Variants in SSBP3 observed in about 807,000 individuals in gnomAD.
SSBP3 encodes single-stranded DNA-binding protein 3.
Under a neutral mutation model 69.6 loss-of-function variants are expected in SSBP3, and 5 were observed. That is an observed-to-expected ratio of 0.07 (90% CI 0.04 to 0.15). SSBP3 has a LOEUF of 0.15. SSBP3 is among the 10% of genes least tolerant of loss of function. SSBP3 has a pLI of 1.00. For missense variants in SSBP3, 312 were observed against 534.0 expected (o/e 0.58, Z 4.10); for synonymous variants, 196 against 193.4 (o/e 1.01, Z -0.11).
At chr1:54,339,334 C>T (rs1646565887) in intron 4 of SSBP3, among the ~76,000 whole-genome samples, 1 of 152,160 alleles carries the variant, frequency 6.6e-6, no homozygotes, top group African/African-American at 2.4e-5. Flanking sequence ...TCTTGGCAGA[C>T]ACACATTCTC....
upstream of SSBP3, among the ~76,000 whole-genome samples, chr1:54,410,200 T>G (rs1310761658): frequency 6.6e-6 from 1 of 151,994 alleles, no homozygotes; most frequent in Non-Finnish European, 1.5e-5. Flanking sequence ...GCAAGTGAGG[T>G]GGGAGTGAAG....
At chr1:54,373,158 T>G (rs1278981026) in intron 4 of SSBP3, among the ~76,000 whole-genome samples, 1 of 152,144 alleles carries the variant, frequency 6.6e-6, no homozygotes, top group Non-Finnish European at 1.5e-5. Flanking sequence ...TTCTTCCCTC[T>G]TCCCCTCCAG....
intron 4 of SSBP3, among the ~76,000 whole-genome samples, chr1:54,288,503 T>C (rs1392005377): frequency 1.3e-5 from 2 of 148,992 alleles, no homozygotes; most frequent in African/African-American, 2.5e-5. Context: ...AGCTCATGTC[T>C]GCCACCTGGG....
chr1:54,313,340 T>C (rs1646038195), intron 4 of SSBP3, among the ~76,000 whole-genome samples: 2 of 151,426 alleles, frequency 1.3e-5, no homozygotes, highest in South Asian at 2.1e-4. Context: ...TTCTTTCTGA[T>C]ACAGTCTAGG....
At chr1:54,404,808 T>TTGG (rs760237753) in intron 2 of SSBP3, 50 bp downstream of exon 2, 5 of 632,500 alleles carry the variant, frequency 7.9e-6, no homozygotes, top group Non-Finnish European at 1.3e-5. Context: ...CTAAGAATAG[T>TTGG]GGGGGGGGGG....
At chr1:54,311,575 T>C (rs887701146) in intron 4 of SSBP3, among the ~76,000 whole-genome samples, 5 of 152,056 alleles carry the variant, frequency 3.3e-5, no homozygotes, top group African/African-American at 1.2e-4. Flanking sequence ...TGGGGCCCAT[T>C]GAGAGCATGT....
chr1:54,404,732 T>TA (rs1430834374), intron 2 of SSBP3, 95 bp from the exon 3 acceptor site: 1 of 1,403,108 alleles, frequency 7.1e-7, no homozygotes, highest in Non-Finnish European at 9.9e-7. Flanking sequence ...CAACTAACAA[T>TA]AAATGCCAAA....
chr1:54,245,201 G>A (rs1476721021), intron 9 of SSBP3, among the ~76,000 whole-genome samples: 2 of 152,236 alleles, frequency 1.3e-5, no homozygotes, highest in African/African-American at 4.8e-5. Context: ...TTTACTGAGT[G>A]CATGACACAC....
intron 3 of SSBP3, among the ~76,000 whole-genome samples, chr1:54,402,840 C>CA (rs1649408446): frequency 6.6e-6 from 1 of 152,206 alleles, no homozygotes; most frequent in African/African-American, 2.4e-5. Context: ...ACGGAGTTGT[C>CA]AGTGATATTA....
At chr1:54,382,430 A>C (rs1647723038) in intron 4 of SSBP3, among the ~76,000 whole-genome samples, 1 of 152,192 alleles carries the variant, frequency 6.6e-6, no homozygotes, top group African/African-American at 2.4e-5. Context: ...ATAGTCTATG[A>C]GGTCTGTGAG....
Position 54,305,619 on chromosome 1 carries a change from T to TAA in SSBP3, c.277-24094_277-24093dup, listed in dbSNP as rs762340360. ...ATGCCATCATTTAGTTATTTTTCTT[T>TAA]AAAAAAAAAAAAAAAGAGAGAGAGA... On this transcript the variant is annotated intron_variant, in intron 4 of 17. Coordinates refer to ENST00000610401, the Ensembl canonical transcript of SSBP3. 5.4e-3 allele frequency among the ~76,000 whole-genome samples: 754 copies of TAA among 139,850 alleles called. 7 individuals are homozygous for TAA. Among genetic ancestry groups the TAA allele is most frequent in the African/African-American group, 0.018 (632 of 36,078 alleles). The allele number at this position is 139,850 out of a possible 152,430, so 91.7% of individuals were successfully genotyped here.
intron 9 of SSBP3, among the ~76,000 whole-genome samples, 198 bp downstream of exon 9, chr1:54,251,418 T>C (rs1260998398): frequency 6.6e-6 from 1 of 152,184 alleles, no homozygotes; most frequent in East Asian, 1.9e-4. Context: ...CTGCCTGCCA[T>C]CTGCAAGGGG....
intron 4 of SSBP3, among the ~76,000 whole-genome samples, chr1:54,298,930 A>AACACAC (rs10525954): frequency 0.014 from 1,861 of 137,262 alleles, 31 homozygotes; most frequent in African/African-American, 0.029. Context: ...ACAAAAACAA[A>AACACAC]ACACACACAC....
At chr1:54,354,642 C>A (rs11206337) in intron 4 of SSBP3, among the ~76,000 whole-genome samples, 54,365 of 151,904 alleles carry the variant, frequency 0.36, 11,062 homozygotes, top group African/African-American at 0.56. Context: ...AGTGAGCCAC[C>A]TGAAGTCCCA....
chr1:54,260,538 T>C (rs1368024339), intron 5 of SSBP3, among the ~76,000 whole-genome samples: 1 of 152,242 alleles, frequency 6.6e-6, no homozygotes, highest in Non-Finnish European at 1.5e-5. Context: ...CGGGGTCTGC[T>C]GAGATCCAGA....
chr1:54,295,516 G>A (rs893051081), intron 4 of SSBP3, among the ~76,000 whole-genome samples: 1 of 152,116 alleles, frequency 6.6e-6, no homozygotes, highest in Non-Finnish European at 1.5e-5. Context: ...TAACCAAGCC[G>A]ACACAGCACT....
Position 54,376,145 on chromosome 1 carries a change from C to A in SSBP3, c.276+25716G>T, listed in dbSNP as rs964565448. Among the ~76,000 whole-genome samples the A allele has an allele frequency of 2.9e-4, 44 of 151,966 alleles. 1 individual carries two copies. On this transcript the variant is annotated intron_variant, in intron 4 of 17. Coordinates refer to ENST00000610401, the Ensembl canonical transcript of SSBP3. ...CTGGACCCCCTCCTCCTCCCTTAGTCTCTGGTCTCCCCTCCACCCTGTTCA... is the reference window on the plus strand; with the variant it reads ...CTGGACCCCCTCCTCCTCCCTTAGTATCTGGTCTCCCCTCCACCCTGTTCA...
intron 14 of SSBP3, chr1:54,238,714 TG>T: frequency 3.2e-6 from 1 of 313,936 alleles, no homozygotes; most frequent in Non-Finnish European, 6.5e-6. Context: ...CAGCGAGCCC[TG>T]TCCCCTTGCT....
At chr1:54,273,794 G>A (rs941161154) in intron 5 of SSBP3, among the ~76,000 whole-genome samples, 4 of 152,238 alleles carry the variant, frequency 2.6e-5, no homozygotes, top group African/African-American at 7.2e-5. Flanking sequence ...CCCACTCCCA[G>A]GATAGGGGGC....
Sources: allele counts gnomAD v4.1 joint callset (sites outside exome capture counted in the v4.1 genomes callset), GRCh38; gene constraint gnomAD v4.1.1; transcripts MANE v1.5; gene names NCBI Gene and HGNC (gene_info 2026-07-23, HGNC 2026-07-21).